Variants in SAMMSON observed in about 807,000 individuals in gnomAD.
The protein encoded by SAMMSON is survival associated mitochondrial melanoma specific oncogenic non-coding RNA, also known as long intergenic non-protein coding RNA 1212.
rs139015743 is a variant in SAMMSON, at chr3:70,125,930, G to C, written n.507+54365G>C. 7.6e-5 allele frequency: 56 copies of C among 736,950 alleles called. No homozygotes were observed. The Admixed American group carries it at 1.0e-3, about 14-fold the overall frequency. 45.7% of individuals were successfully genotyped at this position (736,950 alleles called of 1,614,324 possible). A position where few individuals can be genotyped will look rare whatever the true frequency, so the allele number is the denominator to read the frequency against. ...TCCTCATCGTCTTCTGGCCAAGGAG[G>C]TTCCTCAGGTGGCTGAGGAGATGTG... On this transcript the variant is annotated intron_variant and non_coding_transcript_variant, in intron 4 of 9. Coordinates refer to ENST00000642114, the Ensembl canonical transcript of SAMMSON.
intron 7 of SAMMSON, among the ~76,000 whole-genome samples, chr3:70,325,422 C>G (rs1702571306): frequency 6.6e-6 from 1 of 151,970 alleles, no homozygotes; most frequent in African/African-American, 2.4e-5. Context: ...ACAAAAGTTA[C>G]TGCAGAAAGA....
chr3:70,322,761 G>GT (rs1335231684), intron 7 of SAMMSON, among the ~76,000 whole-genome samples: 1 of 152,054 alleles, frequency 6.6e-6, no homozygotes, highest in African/African-American at 2.4e-5. Flanking sequence ...ATTGTAAGCA[G>GT]TTTTATTTGA....
chr3:70,095,234 T>C (rs2106650147), intron 4 of SAMMSON, among the ~76,000 whole-genome samples: 1 of 152,320 alleles, frequency 6.6e-6, no homozygotes, highest in East Asian at 1.9e-4. Context: ...GGAGGACATA[T>C]GTTAAGAGGT....
intron 7 of SAMMSON, among the ~76,000 whole-genome samples, chr3:70,321,278 A>G (rs1051942938): frequency 2.0e-5 from 3 of 152,010 alleles, no homozygotes; most frequent in Non-Finnish European, 4.4e-5. Flanking sequence ...CCAGGCAAAC[A>G]CTAATCTTTT....
At chr3:70,395,669 A>G (rs746537539) in intron 2 of SAMMSON, among the ~76,000 whole-genome samples, 198 of 152,238 alleles carry the variant, frequency 1.3e-3, no homozygotes, top group Non-Finnish European at 2.3e-3. Context: ...TTGGGGAAGA[A>G]TAATGGGTTT....
At chr3:70,397,535 C>A (rs969116391) in intron 2 of SAMMSON, among the ~76,000 whole-genome samples, 2 of 152,080 alleles carry the variant, frequency 1.3e-5, no homozygotes, top group African/African-American at 4.8e-5. Context: ...AGGGGACATA[C>A]AATGTTCTGT....
chr3:70,267,578 A>C (rs796413029), intron 6 of SAMMSON, among the ~76,000 whole-genome samples: 1 of 132,806 alleles, frequency 7.5e-6, no homozygotes, highest in Non-Finnish European at 1.5e-5. Flanking sequence ...AATTTTTTGT[A>C]TTTTTTTTTT....
At chr3:70,312,498 T>G (rs2106711147) in intron 7 of SAMMSON, 1 of 152,364 alleles carries the variant, frequency 6.6e-6, no homozygotes, top group African/African-American at 2.4e-5. Context: ...CACTTGACTT[T>G]CATGGCTTGC....
chr3:70,292,410 A>T (rs1009257367), intron 7 of SAMMSON, among the ~76,000 whole-genome samples: 1 of 152,136 alleles, frequency 6.6e-6, no homozygotes, highest in Non-Finnish European at 1.5e-5. Flanking sequence ...AGTAAACTCA[A>T]TTATTGTCAC....
At chr3:70,012,977 A>C (rs528142604) in intron 2 of SAMMSON, among the ~76,000 whole-genome samples, 10 of 152,282 alleles carry the variant, frequency 6.6e-5, no homozygotes, top group Non-Finnish European at 1.3e-4. Context: ...ATAATCTACT[A>C]TCCAGTTTGT....
At chr3:70,000,767 A>G (rs1200564234) in intron 1 of SAMMSON, among the ~76,000 whole-genome samples, 3 of 152,104 alleles carry the variant, frequency 2.0e-5, no homozygotes, top group African/African-American at 7.2e-5. Context: ...AATGCTTCCC[A>G]TTGTCAGCTT....
chr3:70,137,215 C>T (rs2067509612), intron 4 of SAMMSON, among the ~76,000 whole-genome samples: 1 of 152,058 alleles, frequency 6.6e-6, no homozygotes, highest in South Asian at 2.1e-4. Flanking sequence ...AAATCATGCT[C>T]TACATACTAC....
At chr3:70,198,218 T>A (rs1169681155) in intron 4 of SAMMSON, among the ~76,000 whole-genome samples, 1 of 152,096 alleles carries the variant, frequency 6.6e-6, no homozygotes, top group East Asian at 1.9e-4. Flanking sequence ...AGAGAAAAAA[T>A]TTCTCCTCTA....
At chr3:70,321,820 A>AT (rs1426704744) in intron 7 of SAMMSON, among the ~76,000 whole-genome samples, 2 of 152,010 alleles carry the variant, frequency 1.3e-5, no homozygotes, top group African/African-American at 4.8e-5. Flanking sequence ...AGGGGAAAAA[A>AT]ATGACATAAA....
At chr3:70,214,743 A>G (rs1485558123) in intron 4 of SAMMSON, among the ~76,000 whole-genome samples, 1 of 152,074 alleles carries the variant, frequency 6.6e-6, no homozygotes, top group Admixed American at 6.6e-5. Context: ...ACGAGGAACA[A>G]TTGACTCCTA....
chr3:70,201,077 G>T (rs1293764633), intron 4 of SAMMSON, among the ~76,000 whole-genome samples: 2 of 151,596 alleles, frequency 1.3e-5, no homozygotes, highest in Non-Finnish European at 1.5e-5. Flanking sequence ...AAGTTCAGGG[G>T]TCATGTGCTG....
intron 4 of SAMMSON, among the ~76,000 whole-genome samples, chr3:70,088,868 A>T (rs1039941802): frequency 1.3e-5 from 2 of 152,144 alleles, no homozygotes; most frequent in African/African-American, 4.8e-5. Flanking sequence ...GTTATCCCTC[A>T]AGATCTCAGA....
rs147067731 is a variant in SAMMSON at position 70,137,353 on chromosome 3, C to T, written n.507+65788C>T. Among the ~76,000 whole-genome samples the T allele has an allele frequency of 1.9e-3, 295 of 152,068 alleles. 2 individuals are homozygous for T. Among genetic ancestry groups the T allele is most frequent in the African/African-American group, 7.0e-3 (289 of 41,472 alleles). ...CTTATGGGCCAAATTTGTCCTGTTG[C>T]CTATTTTTATATGGTTTATGAGCTA... On this transcript the variant is annotated intron_variant and non_coding_transcript_variant, in intron 4 of 9. Coordinates refer to ENST00000642114, the Ensembl canonical transcript of SAMMSON.
chr3:70,360,103 T>TG (rs1210926618), intron 9 of SAMMSON, among the ~76,000 whole-genome samples: 3 of 152,144 alleles, frequency 2.0e-5, no homozygotes, highest in African/African-American at 7.2e-5. Flanking sequence ...TTTATGTCAT[T>TG]GTCTATGTAA....
Sources: allele counts gnomAD v4.1 joint callset (sites outside exome capture counted in the v4.1 genomes callset), GRCh38; gene constraint gnomAD v4.1.1; transcripts MANE v1.5; gene names NCBI Gene and HGNC (gene_info 2026-07-23, HGNC 2026-07-21).